SMURF2: variants seen among roughly 807,000 people sequenced by gnomAD.
The protein encoded by SMURF2 is SMAD specific E3 ubiquitin protein ligase 2.
Under a neutral mutation model 109.6 loss-of-function variants are expected in SMURF2, and 48 were observed. That is an observed-to-expected ratio of 0.44 (90% confidence interval 0.35 to 0.56). The LOEUF (loss-of-function observed/expected upper bound fraction) is 0.56, where lower values mean the gene tolerates loss of function less well. Ranked by LOEUF, SMURF2 falls within the 20% of genes least tolerant of loss-of-function variation. SMURF2 has a pLI of 0.01. For missense variants in SMURF2, 575 were observed against 909.0 expected (o/e 0.63, Z 4.72); for synonymous variants, 288 against 317.1 (o/e 0.91, Z 0.97).
intron 1 of SMURF2, among the ~76,000 whole-genome samples, chr17:64,634,305 T>C (rs1358298174): frequency 2.0e-5 from 3 of 152,236 alleles, no homozygotes; most frequent in Non-Finnish European, 4.4e-5. Context: ...GCACCAGGTA[T>C]TCCTGGGTCT....
In SMURF2 at chr17:64,542,427, C is replaced by A. The variant is rs1166931573; in HGVS notation, c.*3421G>T. The A allele has an allele frequency of 6.6e-6, 1 of 151,922 alleles. No homozygotes were observed. The highest frequency in any genetic ancestry group is 1.5e-5 in the Non-Finnish European group (1 of 67,992). 9.4% of individuals were successfully genotyped at this position (151,922 alleles called of 1,614,324 possible). ...CTCATGTAACAAATGAATGAAAATACAAAGAATATCAAAGCTAAAACACTC... is the reference window on the plus strand; with the variant it reads ...CTCATGTAACAAATGAATGAAAATAAAAAGAATATCAAAGCTAAAACACTC... On this transcript the variant is annotated 3_prime_UTR_variant, in exon 19 of 19. Coordinates refer to ENST00000262435, the MANE Select transcript of SMURF2 (RefSeq NM_022739.4).
chr17:64,579,116 A>G (rs902163303), intron 8 of SMURF2, among the ~76,000 whole-genome samples: 4 of 152,234 alleles, frequency 2.6e-5, no homozygotes, highest in Non-Finnish European at 4.4e-5. Context: ...ATAAACAGAT[A>G]GAGATGGAAA....
chr17:64,565,747 T>C (rs1969291798), intron 10 of SMURF2, among the ~76,000 whole-genome samples: 1 of 152,036 alleles, frequency 6.6e-6, no homozygotes, highest in Non-Finnish European at 1.5e-5. Context: ...TAGCCCAGGA[T>C]TGCAATGAAG....
intron 5 of SMURF2, among the ~76,000 whole-genome samples, chr17:64,586,988 ACC>A (rs1969671651): frequency 6.6e-6 from 1 of 151,766 alleles, no homozygotes; most frequent in Non-Finnish European, 1.5e-5. Context: ...ACATGGTGAA[ACC>A]CCGTCTCTAC....
intron 10 of SMURF2, among the ~76,000 whole-genome samples, chr17:64,564,813 C>T (rs1168176692): frequency 1.3e-5 from 2 of 152,266 alleles, no homozygotes; most frequent in African/African-American, 4.8e-5. Flanking sequence ...AGTTCTGCCT[C>T]CAGAATTGTG....
intron 8 of SMURF2, among the ~76,000 whole-genome samples, chr17:64,580,588 A>C (rs2144636789): frequency 6.6e-6 from 1 of 152,362 alleles, no homozygotes; most frequent in South Asian, 2.1e-4. Context: ...GCTGAGGCTG[A>C]ATGATGAGCA....
intron 1 of SMURF2, among the ~76,000 whole-genome samples, chr17:64,608,528 C>A (rs749285934): frequency 6.6e-6 from 1 of 152,124 alleles, no homozygotes; most frequent in Non-Finnish European, 1.5e-5. Context: ...ATAAATTGAA[C>A]AGAATACTCA....
intron 1 of SMURF2, among the ~76,000 whole-genome samples, chr17:64,619,364 G>A (rs1555690418): frequency 1.3e-5 from 2 of 151,122 alleles, no homozygotes; most frequent in Middle Eastern, 3.4e-3. Flanking sequence ...TGTAGTCCCA[G>A]CTACTCTGGA....
intron 2 of SMURF2, among the ~76,000 whole-genome samples, chr17:64,604,329 A>C (rs1406276909): frequency 6.6e-6 from 1 of 152,072 alleles, no homozygotes; most frequent in Non-Finnish European, 1.5e-5. Context: ...GCAAGTTCAC[A>C]CTCTTAGAAT....
At chr17:64,546,608 A>G (rs1205436337) in intron 17 of SMURF2, among the ~76,000 whole-genome samples, 1 of 152,226 alleles carries the variant, frequency 6.6e-6, no homozygotes, top group Non-Finnish European at 1.5e-5. Context: ...TCTATCTTTT[A>G]TAGAAAGTCA....
At chr17:64,596,845 A>G (rs1254681249) in intron 3 of SMURF2, among the ~76,000 whole-genome samples, 6 of 152,324 alleles carry the variant, frequency 3.9e-5, no homozygotes, top group African/African-American at 1.4e-4. Context: ...ATTATGACAT[A>G]TAACTTCTCA....
At chr17:64,616,631 G>C (rs1261119630) in intron 1 of SMURF2, among the ~76,000 whole-genome samples, 1 of 147,132 alleles carries the variant, frequency 6.8e-6, no homozygotes, top group Non-Finnish European at 1.5e-5. Context: ...CTCCAGCCCA[G>C]ACGACAGTGC....
At chr17:64,661,083 CAA>C (rs1193491875) in intron 1 of SMURF2, among the ~76,000 whole-genome samples, 1 of 152,052 alleles carries the variant, frequency 6.6e-6, no homozygotes, top group East Asian at 1.9e-4. Context: ...GCACCCCCCC[CAA>C]AAAAGTGTGT....
chr17:64,569,069 G>A (rs933976150), intron 10 of SMURF2, among the ~76,000 whole-genome samples: 3 of 151,644 alleles, frequency 2.0e-5, no homozygotes, highest in Admixed American at 6.6e-5. Context: ...AGGCCGAGGC[G>A]GGCAGATCAC....
intron 3 of SMURF2, among the ~76,000 whole-genome samples, chr17:64,595,401 T>C (rs1290212850): frequency 1.3e-5 from 2 of 152,312 alleles, no homozygotes; most frequent in East Asian, 1.9e-4. Context: ...TCATGTAATA[T>C]AACATACATG....
intron 1 of SMURF2, among the ~76,000 whole-genome samples, chr17:64,631,173 G>A (rs1326652660): frequency 6.7e-6 from 1 of 149,426 alleles, no homozygotes; most frequent in Non-Finnish European, 1.5e-5. Flanking sequence ...GTGGTGGCGT[G>A]TGCCTGTAGT....
rs544373079 is a variant in SMURF2 at position 64,661,091 on chromosome 17, T to A, written c.52+738A>T. Among the ~76,000 whole-genome samples, 7 of 152,066 alleles carry A rather than the reference T, an allele frequency of 4.6e-5. No individual in the cohort carries two copies. The South Asian group carries it at 1.2e-3, about 27-fold the overall frequency. On this transcript the variant is annotated intron_variant, in intron 1 of 18. Coordinates refer to ENST00000262435, the MANE Select transcript of SMURF2 (RefSeq NM_022739.4). ...TAGCAATGCACCCCCCCCAAAAAAG[T>A]GTGTTTTTAAAGCAGGTCTGGCGTT...
At chr17:64,561,268 G>A (rs1969213460) in intron 12 of SMURF2, among the ~76,000 whole-genome samples, 1 of 152,076 alleles carries the variant, frequency 6.6e-6, no homozygotes, top group Non-Finnish European at 1.5e-5. Context: ...GAAAACACAG[G>A]GCCTGCAGTC....
At chr17:64,631,281 GGAGA>G (rs1468147317) in intron 1 of SMURF2, among the ~76,000 whole-genome samples, 14 of 4,404 alleles carry the variant, frequency 3.2e-3, no homozygotes, top group Non-Finnish European at 5.4e-3. Context: ...AGGGGGGGGG[GGAGA>G]GAGAGAGAGA....
Sources: allele counts gnomAD v4.1 joint callset (sites outside exome capture counted in the v4.1 genomes callset), GRCh38; gene constraint gnomAD v4.1.1; transcripts MANE v1.5; gene names NCBI Gene and HGNC (gene_info 2026-07-23, HGNC 2026-07-21).